Variants in ASIC2 observed in about 807,000 individuals in gnomAD.
The protein encoded by ASIC2 is acid-sensing ion channel 2.
Under a neutral mutation model 57.3 loss-of-function variants are expected in ASIC2, and 25 were observed. The observed-to-expected ratio is 0.44, with a 90% CI of 0.32 to 0.61. The LOEUF is 0.61. Among genes scored for constraint, ASIC2 ranks in the 20% least tolerant of loss-of-function variants. The pLI is 0.06. For synonymous variants in ASIC2, 319 were observed against 307.5 expected, an observed-to-expected ratio of 1.04 and a Z score of -0.39; for missense variants, 641 against 738.1, an observed-to-expected ratio of 0.87 and a Z score of 1.52.
At chr17:33,109,566 T>C (rs2092248434) in intron 2 of ASIC2, among the ~76,000 whole-genome samples, 2 of 152,228 alleles carry the variant, frequency 1.3e-5, no homozygotes, top group Admixed American at 6.5e-5. Flanking sequence ...TGGAGTTCTC[T>C]TGCAGAAACT....
chr17:34,087,685 C>T (rs888913438), intron 1 of ASIC2, among the ~76,000 whole-genome samples: 103 of 151,968 alleles, frequency 6.8e-4, no homozygotes, highest in African/African-American at 1.3e-3. Context: ...ACCAATCAGA[C>T]GTAGATTTGG....
In ASIC2 at chr17:33,381,653, G is replaced by A. The variant is rs943615150; in HGVS notation, c.556-269586C>T. On this transcript the variant is annotated intron_variant, in intron 1 of 9. Transcript: ENST00000359872. ...GGGAAGTTCATTTGGAGGAGAAAAT[G>A]AGAAAAAGTATAGAAAGAGCTGCTC... 3.3e-5 allele frequency among the ~76,000 whole-genome samples: 5 copies of A among 152,214 alleles called. No homozygotes were observed. In the South Asian group the frequency reaches 6.2e-4, roughly 19 times the overall value.
At chr17:33,394,316 C>T (rs767553774) in intron 1 of ASIC2, among the ~76,000 whole-genome samples, 41 of 152,312 alleles carry the variant, frequency 2.7e-4, no homozygotes, top group East Asian at 5.8e-4. Flanking sequence ...AACTGGGTCA[C>T]CCATCAGAAG....
At chr17:33,576,952 T>C (rs1916642763) in intron 1 of ASIC2, among the ~76,000 whole-genome samples, 1 of 152,202 alleles carries the variant, frequency 6.6e-6, no homozygotes, top group Non-Finnish European at 1.5e-5. Context: ...TGCATTAATA[T>C]GTGTAATGCG....
chr17:34,022,645 A>AAAC (rs1326070099), intron 1 of ASIC2, among the ~76,000 whole-genome samples: 1 of 151,924 alleles, frequency 6.6e-6, no homozygotes, highest in African/African-American at 2.4e-5. Context: ...AAAAAACAAA[A>AAAC]AAAAAAACAA....
intron 1 of ASIC2, among the ~76,000 whole-genome samples, chr17:33,798,891 G>A (rs1353337650): frequency 1.3e-5 from 2 of 152,128 alleles, no homozygotes; most frequent in African/African-American, 4.8e-5. Flanking sequence ...TGGCACAGCT[G>A]TGGGCCCTGG....
At chr17:33,790,230 T>C (rs373065369) in intron 1 of ASIC2, among the ~76,000 whole-genome samples, 2 of 152,296 alleles carry the variant, frequency 1.3e-5, no homozygotes, top group South Asian at 2.1e-4. Context: ...AGCAGTATAA[T>C]AAAAAATGGT....
intron 1 of ASIC2, among the ~76,000 whole-genome samples, chr17:33,361,988 G>A (rs1199600020): frequency 1.3e-5 from 2 of 151,998 alleles, no homozygotes; most frequent in Non-Finnish European, 2.9e-5. Context: ...TCTTCCAGAC[G>A]AATTTAATTA....
chr17:33,958,144 T>TGTGG (rs780750050), intron 1 of ASIC2, among the ~76,000 whole-genome samples: 5 of 152,234 alleles, frequency 3.3e-5, no homozygotes, highest in Non-Finnish European at 5.9e-5. Flanking sequence ...GCTCCATCAC[T>TGTGG]GTGGCTTTGC....
At chr17:33,062,794 T>C (rs1402168017) in intron 3 of ASIC2, among the ~76,000 whole-genome samples, 3 of 152,178 alleles carry the variant, frequency 2.0e-5, no homozygotes, top group South Asian at 4.1e-4. Flanking sequence ...TGTATGGGAG[T>C]CTAAGTCTCT....
At chr17:33,630,797 T>C (rs995592333) in intron 1 of ASIC2, among the ~76,000 whole-genome samples, 1 of 152,232 alleles carries the variant, frequency 6.6e-6, no homozygotes, top group African/African-American at 2.4e-5. Context: ...TCAGTAAGCA[T>C]TAGTTATTAT....
chr17:33,756,507 G>A (rs904639769), intron 1 of ASIC2, among the ~76,000 whole-genome samples: 6 of 152,192 alleles, frequency 3.9e-5, no homozygotes, highest in Admixed American at 6.5e-5. Context: ...GTGGCCTTCT[G>A]AAAGGATCAC....
chr17:33,443,522 T>G (rs1911903978), intron 1 of ASIC2, among the ~76,000 whole-genome samples: 1 of 144,904 alleles, frequency 6.9e-6, no homozygotes, highest in African/African-American at 2.5e-5. Flanking sequence ...AACGCCATTC[T>G]CCTGCCTCAG....
intron 1 of ASIC2, among the ~76,000 whole-genome samples, chr17:33,612,884 G>A (rs1233156987): frequency 6.6e-6 from 1 of 152,196 alleles, no homozygotes; most frequent in African/African-American, 2.4e-5. Flanking sequence ...CATTGCTGTT[G>A]TACTGGCTCC....
intron 1 of ASIC2, among the ~76,000 whole-genome samples, chr17:33,511,558 C>A (rs1037282713): frequency 3.3e-5 from 5 of 152,156 alleles, no homozygotes; most frequent in South Asian, 2.1e-4. Context: ...TCAAAACCAA[C>A]CTTTGGTGAT....
chr17:33,647,540 T>C (rs907320356), intron 1 of ASIC2, among the ~76,000 whole-genome samples: 2 of 152,146 alleles, frequency 1.3e-5, no homozygotes, highest in Non-Finnish European at 2.9e-5. Context: ...GACCTGATAA[T>C]GAGGGGCAGA....
intron 1 of ASIC2, among the ~76,000 whole-genome samples, chr17:33,115,994 C>T (rs2141991736): frequency 6.6e-6 from 1 of 152,322 alleles, no homozygotes; most frequent in Admixed American, 6.5e-5. Context: ...CCTTCCCTCC[C>T]ATTCTCTGCT....
chr17:33,606,194 A>G (rs2142012690), intron 1 of ASIC2, among the ~76,000 whole-genome samples: 1 of 152,292 alleles, frequency 6.6e-6, no homozygotes, highest in East Asian at 1.9e-4. Context: ...AGCAGAGCTG[A>G]TTTGGCCGAC....
At chr17:33,336,259 G>A (rs1331133187) in intron 1 of ASIC2, among the ~76,000 whole-genome samples, 1 of 152,078 alleles carries the variant, frequency 6.6e-6, no homozygotes, top group Admixed American at 6.5e-5. Context: ...TCCTTCAGAG[G>A]GAAGAGGAAG....
Sources: gnomAD v4.1 joint callset for allele counts (sites outside exome capture counted in the v4.1 genomes callset) on GRCh38, gnomAD v4.1.1 for gene constraint, MANE v1.5 for transcripts, NCBI Gene and HGNC (gene_info 2026-07-23, HGNC 2026-07-21) for gene names.